Variants in TMEM117 observed in about 807,000 individuals in gnomAD.
The protein encoded by TMEM117 is transmembrane protein 117.
TMEM117 carries 27 observed loss-of-function variants against 52.4 expected under a neutral mutation model. The observed-to-expected ratio is 0.51, with a 90% CI of 0.38 to 0.71. The LOEUF (loss-of-function observed/expected upper bound fraction) is 0.71. Ranked by LOEUF, TMEM117 falls within the 30% of genes least tolerant of loss-of-function variation. The pLI, the probability that TMEM117 is intolerant of heterozygous loss-of-function variation, is 0.00. For missense variants in TMEM117, 556 were observed against 630.5 expected (o/e 0.88, Z 1.26); for synonymous variants, 215 against 206.3 (o/e 1.04, Z -0.36).
At chr12:44,117,176 A>G (rs1948158608) in intron 3 of TMEM117, among the ~76,000 whole-genome samples, 2 of 152,126 alleles carry the variant, frequency 1.3e-5, no homozygotes, top group African/African-American at 2.4e-5. Flanking sequence ...GCATATTTTA[A>G]GTGCCTTGAG....
At chr12:44,004,359 G>A (rs1271067298) in intron 3 of TMEM117, among the ~76,000 whole-genome samples, 2 of 152,128 alleles carry the variant, frequency 1.3e-5, no homozygotes, top group South Asian at 2.1e-4. Context: ...GAATTTTTGA[G>A]TTAACTTCCT....
At chr12:43,969,283 G>C (rs1174744661) in intron 3 of TMEM117, among the ~76,000 whole-genome samples, 1 of 149,958 alleles carries the variant, frequency 6.7e-6, no homozygotes, top group Non-Finnish European at 1.5e-5. Flanking sequence ...CACTTCGGGA[G>C]ACTGAGGTGG....
intron 3 of TMEM117, among the ~76,000 whole-genome samples, chr12:44,078,105 T>C (rs1947411858): frequency 6.6e-6 from 1 of 152,138 alleles, no homozygotes; most frequent in Non-Finnish European, 1.5e-5. Flanking sequence ...TGATAAAAAC[T>C]CAGAAAAAGT....
intron 3 of TMEM117, among the ~76,000 whole-genome samples, chr12:44,055,533 A>G (rs1947040173): frequency 1.3e-5 from 2 of 152,212 alleles, no homozygotes; most frequent in South Asian, 4.1e-4. Flanking sequence ...TGGACTGTGG[A>G]GCCAGAATAC....
intron 2 of TMEM117, among the ~76,000 whole-genome samples, chr12:43,864,716 C>T (rs1943554133): frequency 6.6e-6 from 1 of 152,186 alleles, no homozygotes; most frequent in Non-Finnish European, 1.5e-5. Flanking sequence ...GACCAATCGA[C>T]TCTCTGTAAA....
chr12:43,969,372 A>AAAAAAAAAAAAAAAAAAAAAAAC (rs1945541201), intron 3 of TMEM117, among the ~76,000 whole-genome samples: 1 of 147,374 alleles, frequency 6.8e-6, no homozygotes, highest in African/African-American at 2.6e-5. Flanking sequence ...AAAAAAAAAA[A>AAAAAAAAAAAAAAAAAAAAAAAC]ATTAGCCAGG....
In TMEM117 at chr12:43,967,781, C is replaced by T. The variant is rs536016386; in HGVS notation, c.410+23439C>T. Among the ~76,000 whole-genome samples the T allele has an allele frequency of 5.3e-5, 8 of 152,314 alleles. No individual in the cohort carries two copies. In the South Asian group the frequency reaches 1.5e-3, roughly 28 times the overall value. On this transcript the variant is annotated intron_variant, in intron 3 of 7. Coordinates refer to ENST00000266534, the MANE Select transcript of TMEM117 (RefSeq NM_032256.3). ...GATAATGAATGCTTTCTGTTTTAAA[C>T]TGATACATTTGGTGATAATTTATTC...
chr12:43,810,406 A>G, the TMEM117 span, among the ~76,000 whole-genome samples: 4 of 152,172 alleles, frequency 2.6e-5, no homozygotes, highest in African/African-American at 9.7e-5. Context: ...CATGTACAGG[A>G]GATATTATCT....
chr12:44,198,771 T>C (rs1448030170), intron 4 of TMEM117, among the ~76,000 whole-genome samples: 3 of 152,084 alleles, frequency 2.0e-5, no homozygotes, highest in Non-Finnish European at 2.9e-5. Context: ...CCATACATGG[T>C]TTAAACTTCC....
At chr12:44,122,692 G>C (rs1395746929) in intron 3 of TMEM117, among the ~76,000 whole-genome samples, 1 of 151,974 alleles carries the variant, frequency 6.6e-6, no homozygotes, top group Non-Finnish European at 1.5e-5. Flanking sequence ...GCATTAGTTT[G>C]CTGAGGATAA....
chr12:44,118,319 G>T (rs1032187065), intron 3 of TMEM117, among the ~76,000 whole-genome samples: 5 of 152,124 alleles, frequency 3.3e-5, no homozygotes, highest in South Asian at 4.1e-4. Context: ...TTAACCAAAA[G>T]AATTCTATTA....
intron 3 of TMEM117, among the ~76,000 whole-genome samples, chr12:44,069,419 A>G (rs1469944033): frequency 1.3e-5 from 2 of 152,148 alleles, no homozygotes; most frequent in Admixed American, 6.5e-5. Context: ...GGTGGTAAAT[A>G]TTTAAGGGAG....
At chr12:44,318,909 C>G (rs1167710401) in intron 6 of TMEM117, among the ~76,000 whole-genome samples, 2 of 152,206 alleles carry the variant, frequency 1.3e-5, no homozygotes, top group African/African-American at 4.8e-5. Flanking sequence ...GCACCATGAT[C>G]TCAGGTGAGC....
At chr12:43,803,474 T>C in the TMEM117 span, among the ~76,000 whole-genome samples, 3 of 152,154 alleles carry the variant, frequency 2.0e-5, no homozygotes, top group Non-Finnish European at 2.9e-5. Flanking sequence ...TAGGTATTTA[T>C]GATACAATTT....
In TMEM117 at chr12:43,994,717, T is replaced by G. The variant is rs531273149; in HGVS notation, c.410+50375T>G. On this transcript the variant is annotated intron_variant, in intron 3 of 7. Transcript: ENST00000266534. ...GTTTATAATTATCCTTTTCTCATAG[T>G]GAATATATATGCTCAAGAGAAATCA... is the stretch of plus-strand genomic sequence containing the variant. Among the ~76,000 whole-genome samples the G allele has an allele frequency of 8.3e-4, 126 of 152,296 alleles. 1 individual carries two copies. Among genetic ancestry groups the G allele is most frequent in the African/African-American group, 2.9e-3 (120 of 41,566 alleles).
At chr12:44,069,447 G>GAATCAGTAAAAATCAGTAAA (rs1264389126) in intron 3 of TMEM117, among the ~76,000 whole-genome samples, 1 of 152,116 alleles carries the variant, frequency 6.6e-6, no homozygotes, top group African/African-American at 2.4e-5. Flanking sequence ...CCAAATTGAA[G>GAATCAGTAAAAATCAGTAAA]AATCAGTAAA....
chr12:44,099,556 G>A (rs1341221345), intron 3 of TMEM117, among the ~76,000 whole-genome samples: 2 of 151,978 alleles, frequency 1.3e-5, no homozygotes, highest in East Asian at 3.9e-4. Flanking sequence ...TTTTGGTTTA[G>A]CAGTACAACC....
intron 3 of TMEM117, among the ~76,000 whole-genome samples, chr12:43,996,727 A>G (rs769438650): frequency 3.9e-5 from 6 of 152,158 alleles, no homozygotes; most frequent in Non-Finnish European, 8.8e-5. Flanking sequence ...TCTGTTGTCT[A>G]CTATGGTTAC....
At chr12:44,209,868 T>C (rs1949621652) in intron 4 of TMEM117, among the ~76,000 whole-genome samples, 1 of 152,120 alleles carries the variant, frequency 6.6e-6, no homozygotes, top group Admixed American at 6.6e-5. Context: ...GGTGAATGTT[T>C]CCAGAGACCA....
Sources: gnomAD v4.1 joint callset for allele counts (sites outside exome capture counted in the v4.1 genomes callset) on GRCh38, gnomAD v4.1.1 for gene constraint, MANE v1.5 for transcripts, NCBI Gene and HGNC (gene_info 2026-07-23, HGNC 2026-07-21) for gene names.